DRAM1: variants seen among roughly 807,000 people sequenced by gnomAD.
DRAM1 encodes DNA damage-regulated autophagy modulator protein 1.
Under a neutral mutation model 28.5 loss-of-function variants are expected in DRAM1, and 25 were observed. The observed-to-expected ratio is 0.88, with a 90% confidence interval of 0.64 to 1.23. DRAM1 has a LOEUF of 1.23. Ranked by LOEUF, DRAM1 falls within the 50% of genes most tolerant of loss-of-function variation. DRAM1 has a pLI of 0.00. For synonymous variants in DRAM1, 113 were observed against 114.2 expected (o/e 0.99, Z 0.07); for missense variants, 249 against 299.2 (o/e 0.83, Z 1.24).
chr12:101,902,080 A>G (rs1873626512), intron 3 of DRAM1, among the ~76,000 whole-genome samples: 1 of 152,122 alleles, frequency 6.6e-6, no homozygotes, highest in African/African-American at 2.4e-5. Flanking sequence ...GTATGTGTTT[A>G]CCAATTCTAC....
chr12:101,901,455 G>C, intron 3 of DRAM1, 22 bp downstream of exon 3: 1 of 1,612,528 alleles, frequency 6.2e-7, no homozygotes, highest in Non-Finnish European at 8.5e-7. Context: ...AGCTTTTTCA[G>C]TTATGAGGAG....
chr12:101,888,390 C>T (rs1002948713), intron 1 of DRAM1, among the ~76,000 whole-genome samples: 21 of 152,056 alleles, frequency 1.4e-4, no homozygotes, highest in Admixed American at 6.6e-4. Flanking sequence ...CTCAGCCTCC[C>T]GAAGTGCTAG....
chr12:101,898,723 G>A (rs1222388433), intron 2 of DRAM1, among the ~76,000 whole-genome samples: 1 of 152,148 alleles, frequency 6.6e-6, no homozygotes, highest in Non-Finnish European at 1.5e-5. Context: ...AGCACTCTAG[G>A]GGACTTGGTT....
intron 1 of DRAM1, among the ~76,000 whole-genome samples, chr12:101,895,573 T>G (rs10860814): frequency 2.9e-4 from 22 of 76,292 alleles, no homozygotes; most frequent in East Asian, 5.0e-4. Context: ...GCTATTTTTT[T>G]TTTTTTTTTT....
At chr12:101,919,102 C>T (rs1045382893) in intron 5 of DRAM1, among the ~76,000 whole-genome samples, 8 of 151,542 alleles carry the variant, frequency 5.3e-5, no homozygotes, top group South Asian at 4.2e-4. Flanking sequence ...TTTTTTGTCT[C>T]GTTATGTTGC....
Position 101,907,216 on chromosome 12 carries a change from A to G in DRAM1, c.343-970A>G, listed in dbSNP as rs549608279. On this transcript the variant is annotated intron_variant, in intron 3 of 6. Transcript: ENST00000258534. ...CCCTGTCTCAAAAAAAAAAAAAAAAAAAGAAGAAAAAAGAAGCTGCATTTG... is the reference window on the plus strand; with the variant it reads ...CCCTGTCTCAAAAAAAAAAAAAAAAGAAGAAGAAAAAAGAAGCTGCATTTG... Among the ~76,000 whole-genome samples the G allele has an allele frequency of 2.8e-4, 40 of 140,678 alleles. No individual in the cohort carries two copies. The East Asian group carries it at 5.0e-3, about 17-fold the overall frequency. The allele number at this position is 140,678 out of a possible 152,430, so 92.3% of individuals were successfully genotyped here.
At chr12:101,919,729 G>C (rs7976377) in intron 5 of DRAM1, among the ~76,000 whole-genome samples, 86,028 of 151,562 alleles carry the variant, frequency 0.57, 26,440 homozygotes, top group African/African-American at 0.81. Flanking sequence ...GTTAAGCATA[G>C]CCTTACACTT....
intron 1 of DRAM1, among the ~76,000 whole-genome samples, chr12:101,893,749 G>T (rs1289211389): frequency 6.6e-6 from 1 of 151,420 alleles, no homozygotes; most frequent in Non-Finnish European, 1.5e-5. Flanking sequence ...TCAATGCTCA[G>T]TAAGTGGTGT....
intron 1 of DRAM1, among the ~76,000 whole-genome samples, chr12:101,889,486 G>GAAGGAAGGAAGGA (rs1873015158): frequency 3.8e-5 from 5 of 131,962 alleles, no homozygotes; most frequent in Non-Finnish European, 7.0e-5. Context: ...AGAGAAGAAG[G>GAAGGAAGGAAGGA]AAGGAAGTAA....
intron 4 of DRAM1, among the ~76,000 whole-genome samples, chr12:101,911,186 G>T (rs1042823364): frequency 1.3e-5 from 2 of 152,160 alleles, no homozygotes; most frequent in Non-Finnish European, 2.9e-5. Context: ...AGTGAGCCAA[G>T]ATTGTGCCAC....
intron 1 of DRAM1, among the ~76,000 whole-genome samples, chr12:101,887,145 C>CTAAAAAA (rs1872913603): frequency 1.5e-4 from 19 of 128,994 alleles, no homozygotes; most frequent in South Asian, 4.9e-4. Flanking sequence ...AACTCCGTTT[C>CTAAAAAA]AAAAAAAAAA....
chr12:101,897,922 C>T lies in DRAM1; in HGVS notation c.191C>T (p.Ala64Val), dbSNP rs775894583. The change falls in exon 2 of 7, where the codon GCA becomes GTA. Residue 64 changes from alanine to valine, a missense_variant. Around this residue, in one of 3 missense-constraint regions of DRAM1, gnomAD observed 218 missense variants for 243.1 expected, o/e 0.90. Transcript: ENST00000258534. ...TTTGGATTTATGATAAACTTCTCTG[C>T]ATTTCTTGGTAAGTACACAATAATT... is the stretch of plus-strand genomic sequence containing the variant. ...GIFGFMINFS[A>V]FLGAATMYTR... 1.3e-6 allele frequency: 2 copies of T among 1,592,390 alleles called. No homozygotes were observed. The highest frequency in any genetic ancestry group is 1.7e-6 in the Non-Finnish European group (2 of 1,160,840).
chr12:101,917,230 C>T (rs991231703), intron 5 of DRAM1, among the ~76,000 whole-genome samples: 6 of 152,104 alleles, frequency 3.9e-5, no homozygotes, highest in Non-Finnish European at 7.4e-5. Flanking sequence ...TTTATTGAGT[C>T]CTGTTCTGGA....
chr12:101,890,944 T>TA (rs1873102418), intron 1 of DRAM1, among the ~76,000 whole-genome samples: 1 of 151,858 alleles, frequency 6.6e-6, no homozygotes, highest in South Asian at 2.1e-4. Flanking sequence ...AGAGACGGGG[T>TA]TTCACCATGT....
intron 4 of DRAM1, among the ~76,000 whole-genome samples, chr12:101,912,870 G>A (rs776828951): frequency 4.0e-5 from 6 of 151,822 alleles, no homozygotes; most frequent in Non-Finnish European, 5.9e-5. Context: ...TGGGATTACA[G>A]GTGCACGCCA....
At chr12:101,915,781 T>C (rs972035395) in intron 5 of DRAM1, among the ~76,000 whole-genome samples, 3 of 152,104 alleles carry the variant, frequency 2.0e-5, no homozygotes, top group South Asian at 2.1e-4. Flanking sequence ...AGGATGGTCT[T>C]GATCTCTGCA....
At chr12:101,920,297 CTTTTT>C (rs373899697) in intron 6 of DRAM1, 96 bp downstream of exon 6, 400 of 276,592 alleles carry the variant, frequency 1.4e-3, no homozygotes, top group Middle Eastern at 3.7e-3. Flanking sequence ...AGAGCACTTT[CTTTTT>C]TTTTTTTTTT....
rs1385663705 is a variant in DRAM1, at chr12:101,877,939, G to A, written c.131+19G>A. ...ATATCAGGTGAGTGGCAGGGTGGGC[G>A]TCAGGGCCCCAGGAGCAGGCACAGG... On this transcript the variant is annotated intron_variant, in intron 1 of 6. Transcript: ENST00000258534. This position sits in a 1 kb window ranked among gnomAD's most constrained non-coding sequence, Gnocchi z 4.1. 2.0e-6 allele frequency: 3 copies of A among 1,513,640 alleles called. No individual in the cohort carries two copies. The highest frequency in any genetic ancestry group is 5.1e-5 in the East Asian group (2 of 39,208). The allele number at this position is 1,513,640 out of a possible 1,614,324, so 93.8% of individuals were successfully genotyped here.
At chr12:101,880,841 G>T (rs1263888929) in intron 1 of DRAM1, among the ~76,000 whole-genome samples, 2 of 152,168 alleles carry the variant, frequency 1.3e-5, no homozygotes. Context: ...CAAGGAAGGG[G>T]TTTAAAATTT....
Sources: gnomAD v4.1 joint callset for allele counts (sites outside exome capture counted in the v4.1 genomes callset) on GRCh38, gnomAD v4.1.1 for gene constraint, gnomAD v4.1.1 regional missense constraint, Gnocchi (gnomAD v3.1) non-coding constraint, MANE v1.5 for transcripts, NCBI Gene and HGNC (gene_info 2026-07-23, HGNC 2026-07-21) for gene names.